Variants in CNTNAP4 observed in about 807,000 individuals in gnomAD.
The protein encoded by CNTNAP4 is contactin-associated protein-like 4.
In CNTNAP4, 98 loss-of-function variants were observed where a neutral mutation model predicts 148.4. The ratio of observed to expected loss-of-function variants is 0.66; its 90% CI spans 0.56 to 0.78. The LOEUF is 0.78. CNTNAP4 is among the 30% of genes least tolerant of loss of function. CNTNAP4 has a pLI of 0.00. For missense variants in CNTNAP4, 1,935 were observed against 1,565.6 expected (o/e 1.24, Z -3.98); for synonymous variants, 730 against 565.1 (o/e 1.29, Z -4.14).
At chr16:76,453,453 T>G (rs1047951254) in intron 8 of CNTNAP4, among the ~76,000 whole-genome samples, 3 of 152,198 alleles carry the variant, frequency 2.0e-5, no homozygotes, top group African/African-American at 7.2e-5. Context: ...TGAGGGATGT[T>G]TTTGTCTCTT....
At chr16:76,462,861 A>G (rs976584) in intron 9 of CNTNAP4, among the ~76,000 whole-genome samples, 63,698 of 152,014 alleles carry the variant, frequency 0.42, 13,630 homozygotes, top group Middle Eastern at 0.52. Flanking sequence ...TTGTTTTGTC[A>G]TCGTTATGTT....
chr16:76,499,743 T>G (rs1429656339), intron 15 of CNTNAP4, among the ~76,000 whole-genome samples: 2 of 150,422 alleles, frequency 1.3e-5, no homozygotes, highest in Non-Finnish European at 1.5e-5. Context: ...TACTTGAGAT[T>G]AGGGAGTGGT....
chr16:76,480,379 T>C (rs1466435487), intron 12 of CNTNAP4, among the ~76,000 whole-genome samples: 1 of 152,144 alleles, frequency 6.6e-6, no homozygotes, highest in African/African-American at 2.4e-5. Context: ...TGGTAGTAAA[T>C]GTAATGAAAG....
In CNTNAP4 at chr16:76,283,257, T is replaced by A. The variant is rs561818032; in HGVS notation, c.85+5510T>A. 3.3e-5 allele frequency among the ~76,000 whole-genome samples: 5 copies of A among 152,110 alleles called. No homozygotes were observed. In the South Asian group the frequency reaches 8.3e-4, roughly 25 times the overall value. ...CTATTCTACTTCAGATTAAACAATA[T>A]TGAGGCCTTAATATTGTTCACTAAT... On this transcript the variant is annotated intron_variant, in intron 1 of 23. Transcript: ENST00000611870.
In CNTNAP4 at chr16:76,505,767, G is replaced by C. The variant is rs531920758; in HGVS notation, c.2365+7073G>C. ...TAAGAATTGGAGGCTGAGTGCAGTG[G>C]CTCAAACCTATAATCCCAGGGCTAT... On this transcript the variant is annotated intron_variant, in intron 15 of 23. Transcript: ENST00000611870. Among the ~76,000 whole-genome samples the C allele has an allele frequency of 6.2e-5, 6 of 97,302 alleles. 2 individuals are homozygous for C. The highest frequency in any genetic ancestry group is 1.7e-4 in the Non-Finnish European group (6 of 34,338). 63.8% of individuals were successfully genotyped at this position (97,302 alleles called of 152,430 possible).
intron 1 of CNTNAP4, chr16:76,316,193 G>A (rs1961719659): frequency 1.7e-6 from 1 of 582,578 alleles, no homozygotes; most frequent in Non-Finnish European, 3.0e-6. Flanking sequence ...ATAATTTTAT[G>A]ATTTTTAAAG....
At chr16:76,388,727 G>C (rs1333205166) in intron 3 of CNTNAP4, among the ~76,000 whole-genome samples, 5 of 152,076 alleles carry the variant, frequency 3.3e-5, no homozygotes, top group Non-Finnish European at 7.4e-5. Flanking sequence ...GATGCATCTA[G>C]ATATTTCTTA....
At chr16:76,361,840 T>C (rs1257903611) in intron 3 of CNTNAP4, among the ~76,000 whole-genome samples, 2 of 152,204 alleles carry the variant, frequency 1.3e-5, no homozygotes, top group African/African-American at 4.8e-5. Flanking sequence ...TATCTTTTGT[T>C]TTCCTTGTTT....
chr16:76,460,557 C>G (rs1414769582), intron 8 of CNTNAP4, among the ~76,000 whole-genome samples: 1 of 146,258 alleles, frequency 6.8e-6, no homozygotes, highest in Non-Finnish European at 1.5e-5. Flanking sequence ...GTCAGGAGAT[C>G]GAGACCATCC....
chr16:76,430,229 C>G (rs2079560314), intron 4 of CNTNAP4, among the ~76,000 whole-genome samples: 2 of 152,298 alleles, frequency 1.3e-5, no homozygotes, highest in African/African-American at 2.4e-5. Flanking sequence ...GAATAAGCAT[C>G]TTCTGATTTG....
intron 4 of CNTNAP4, among the ~76,000 whole-genome samples, chr16:76,434,227 G>A (rs1012182370): frequency 7.3e-5 from 11 of 151,496 alleles, no homozygotes; most frequent in East Asian, 1.9e-4. Flanking sequence ...AAGTATTATC[G>A]TTAAGTAGTT....
intron 3 of CNTNAP4, among the ~76,000 whole-genome samples, chr16:76,384,565 A>C (rs530513645): frequency 6.6e-6 from 1 of 152,058 alleles, no homozygotes; most frequent in Non-Finnish European, 1.5e-5. Context: ...ATTCTCCCGC[A>C]CTTGGAGAGT....
intron 3 of CNTNAP4, among the ~76,000 whole-genome samples, chr16:76,382,615 A>G (rs540846060): frequency 3.3e-5 from 5 of 152,348 alleles, no homozygotes; most frequent in African/African-American, 4.8e-5. Flanking sequence ...AGATACATCA[A>G]TATGAACTCT....
At chr16:76,425,413 G>C (rs2079351626) in intron 3 of CNTNAP4, among the ~76,000 whole-genome samples, 1 of 152,082 alleles carries the variant, frequency 6.6e-6, no homozygotes, top group Non-Finnish European at 1.5e-5. Context: ...ATATTTTATT[G>C]AGAACCACTT....
intron 1 of CNTNAP4, 74 bp from the exon 2 acceptor site, chr16:76,316,339 G>C (rs986100653): frequency 2.2e-6 from 2 of 897,816 alleles, no homozygotes; most frequent in South Asian, 1.4e-5. Flanking sequence ...TTTACTTGTT[G>C]GTTGTTTTGT....
At chr16:76,358,169 A>G (rs927064065) in intron 3 of CNTNAP4, among the ~76,000 whole-genome samples, 20 of 152,152 alleles carry the variant, frequency 1.3e-4, no homozygotes, top group Admixed American at 6.5e-5. Flanking sequence ...CCTGGTCGCT[A>G]CTAAAAATAC....
At chr16:76,294,622 T>C (rs1266373294) in intron 1 of CNTNAP4, among the ~76,000 whole-genome samples, 3 of 152,242 alleles carry the variant, frequency 2.0e-5, no homozygotes. Context: ...TGGATAGTTT[T>C]GGTTTCATAC....
At chr16:76,408,287 A>G (rs573927768) in intron 3 of CNTNAP4, among the ~76,000 whole-genome samples, 1 of 149,468 alleles carries the variant, frequency 6.7e-6, no homozygotes, top group East Asian at 1.9e-4. Flanking sequence ...AAATGTTATA[A>G]AGGAATATAT....
chr16:76,463,442 T>G (rs2081057890), intron 9 of CNTNAP4, among the ~76,000 whole-genome samples: 2 of 152,356 alleles, frequency 1.3e-5, no homozygotes, highest in African/African-American at 4.8e-5. Context: ...ACTCTAGTGA[T>G]TGCTTTTAGT....
Sources: allele counts gnomAD v4.1 joint callset (sites outside exome capture counted in the v4.1 genomes callset), GRCh38; gene constraint gnomAD v4.1.1; transcripts MANE v1.5; gene names NCBI Gene and HGNC (gene_info 2026-07-23, HGNC 2026-07-21).